MED13L: variants seen among roughly 807,000 people sequenced by gnomAD.
The protein encoded by MED13L is mediator complex subunit 13L.
Under a neutral mutation model 220.9 loss-of-function variants are expected in MED13L, and 7 were observed. The observed-to-expected ratio is 0.03, with a 90% CI of 0.02 to 0.06. MED13L has a LOEUF of 0.06. MED13L is among the 10% of genes least tolerant of loss of function. The pLI, the probability that MED13L is intolerant of heterozygous loss-of-function variation, is 1.00. For synonymous variants in MED13L, 1,011 were observed against 1,015.2 expected (o/e 1.00, Z 0.08); for missense variants, 1,965 against 2,760.5 (o/e 0.71, Z 6.46).
At chr12:115,968,573 C>T (rs1473609673) in intron 28 of MED13L, among the ~76,000 whole-genome samples, 8 of 152,092 alleles carry the variant, frequency 5.3e-5, no homozygotes, top group African/African-American at 9.7e-5. Flanking sequence ...TGAGTAAGTA[C>T]GGTTGTTGTA....
At chr12:115,996,879 A>C (rs1438007822) in intron 15 of MED13L, 131 bp downstream of exon 15, 3 of 1,102,840 alleles carry the variant, frequency 2.7e-6, no homozygotes, top group Non-Finnish European at 4.2e-6. Context: ...GGTGTGCCTC[A>C]TGTTCTAATT....
intron 2 of MED13L, among the ~76,000 whole-genome samples, chr12:116,161,902 C>CT (rs992732045): frequency 1.1e-4 from 17 of 152,134 alleles, no homozygotes; most frequent in South Asian, 8.3e-4. Flanking sequence ...CTCACTGTAT[C>CT]TTTTTTTAAA....
At chr12:116,191,855 A>T (rs1394642590) in intron 2 of MED13L, among the ~76,000 whole-genome samples, 1 of 152,086 alleles carries the variant, frequency 6.6e-6, no homozygotes, top group Non-Finnish European at 1.5e-5. Context: ...ACATTTAATT[A>T]AAAAGTACTA....
intron 2 of MED13L, among the ~76,000 whole-genome samples, chr12:116,130,979 T>C (rs901184270): frequency 9.9e-5 from 15 of 152,190 alleles, no homozygotes; most frequent in African/African-American, 2.7e-4. Context: ...CTTTGAACAA[T>C]GTATGTTTTA....
chr12:116,196,414 G>C (rs540398853), intron 2 of MED13L, among the ~76,000 whole-genome samples: 2 of 151,536 alleles, frequency 1.3e-5, no homozygotes, highest in African/African-American at 4.8e-5. Context: ...CCCAGTCTTC[G>C]GCTTCGGCTG....
intron 2 of MED13L, among the ~76,000 whole-genome samples, chr12:116,208,221 C>A (rs1882474429): frequency 6.6e-6 from 1 of 152,054 alleles, no homozygotes. Context: ...ACGGTGAAAC[C>A]CGGTTTCTAC....
At chr12:116,070,672 C>T (rs767676904) in intron 4 of MED13L, among the ~76,000 whole-genome samples, 2 of 152,038 alleles carry the variant, frequency 1.3e-5, no homozygotes, top group African/African-American at 2.4e-5. Flanking sequence ...ACAAGCATGC[C>T]GCACCCTAGA....
At chr12:116,057,844 AT>A (rs960597744) in intron 4 of MED13L, among the ~76,000 whole-genome samples, 2 of 151,774 alleles carry the variant, frequency 1.3e-5, no homozygotes, top group Admixed American at 6.6e-5. Flanking sequence ...GATTATTACT[AT>A]TTTTTTTATT....
chr12:116,170,782 T>G (rs1231275649), intron 2 of MED13L, among the ~76,000 whole-genome samples: 4 of 151,836 alleles, frequency 2.6e-5, no homozygotes, highest in Non-Finnish European at 5.9e-5. Flanking sequence ...TGTATTTTTA[T>G]TACAGATGGG....
intron 4 of MED13L, among the ~76,000 whole-genome samples, chr12:116,084,080 C>T (rs1354131135): frequency 6.6e-6 from 1 of 152,210 alleles, no homozygotes; most frequent in Non-Finnish European, 1.5e-5. Flanking sequence ...ACTTCAAACA[C>T]TGAGCCATGT....
At chr12:116,264,997 C>G (rs1361202936) in intron 1 of MED13L, among the ~76,000 whole-genome samples, 3 of 152,180 alleles carry the variant, frequency 2.0e-5, no homozygotes, top group Non-Finnish European at 4.4e-5. Flanking sequence ...ATTAGACAGA[C>G]AGACAGATAG....
At position 116,009,142 on chromosome 12, in the gene MED13L, G is replaced by C. The variant is rs761078101; in HGVS notation, c.1281-10C>G. 6.2e-7 allele frequency: 1 copy of C among 1,613,822 alleles called. No homozygotes were observed. The stretch of plus-strand genomic sequence containing the variant: ...TTTTAAAAGCTTATGCCTAAAATGA[G>C]AGTAAACAATTACATCATTATAACA... On this transcript the variant is annotated splice_polypyrimidine_tract_variant and intron_variant, in intron 9 of 30. Coordinates refer to ENST00000281928, the MANE Select transcript of MED13L (RefSeq NM_015335.5).
At chr12:116,086,223 G>A (rs1871669111) in intron 4 of MED13L, among the ~76,000 whole-genome samples, 1 of 151,782 alleles carries the variant, frequency 6.6e-6, no homozygotes, top group Non-Finnish European at 1.5e-5. Context: ...CTATCAAGGA[G>A]GCAGCTCCAC....
chr12:115,979,363 T>TA (rs1398767397), intron 23 of MED13L, among the ~76,000 whole-genome samples: 1 of 152,074 alleles, frequency 6.6e-6, no homozygotes, highest in Non-Finnish European at 1.5e-5. Flanking sequence ...GGAAACAAAA[T>TA]AAAAAACAAG....
At chr12:116,239,107 G>T (rs2138466504) in intron 1 of MED13L, among the ~76,000 whole-genome samples, 1 of 152,136 alleles carries the variant, frequency 6.6e-6, no homozygotes, top group South Asian at 2.1e-4. Context: ...GGGTGACAGA[G>T]TGAGACTCTG....
chr12:116,012,579 G>A (rs987339111), intron 9 of MED13L, among the ~76,000 whole-genome samples: 1 of 152,128 alleles, frequency 6.6e-6, no homozygotes, highest in African/African-American at 2.4e-5. Flanking sequence ...CCAGAAAAAA[G>A]TTGTGGGAGC....
intron 2 of MED13L, among the ~76,000 whole-genome samples, chr12:116,127,044 T>C (rs144456967): frequency 2.0e-4 from 30 of 152,348 alleles, no homozygotes; most frequent in East Asian, 3.9e-4. Flanking sequence ...TTTTGAAACA[T>C]AGGCTATCAA....
intron 4 of MED13L, among the ~76,000 whole-genome samples, chr12:116,025,169 T>C (rs902659221): frequency 1.3e-5 from 2 of 152,118 alleles, no homozygotes; most frequent in South Asian, 2.1e-4. Context: ...GAAATCAAAA[T>C]CGCAGTAAGA....
At chr12:116,096,143 C>T (rs183605916) in intron 4 of MED13L, among the ~76,000 whole-genome samples, 49 of 151,868 alleles carry the variant, frequency 3.2e-4, no homozygotes, top group Admixed American at 2.6e-3. Flanking sequence ...GGCTTGAGTT[C>T]AGGAGTTCGA....
Sources: allele counts gnomAD v4.1 joint callset (sites outside exome capture counted in the v4.1 genomes callset), GRCh38; gene constraint gnomAD v4.1.1; transcripts MANE v1.5; gene names NCBI Gene and HGNC (gene_info 2026-07-23, HGNC 2026-07-21).